The following CNTN3 variants were observed in gnomAD, a reference collection of about 807,000 sequenced individuals.
The protein encoded by CNTN3 is contactin 3, also known as contactin-3.
In CNTN3, 60 loss-of-function variants were observed where a neutral mutation model predicts 119.1. The ratio of observed to expected loss-of-function variants is 0.50; its 90% CI spans 0.41 to 0.62. The LOEUF (loss-of-function observed/expected upper bound fraction) is 0.62. CNTN3 is among the 20% of genes least tolerant of loss of function. The pLI, the probability that CNTN3 is intolerant of heterozygous loss-of-function variation, is 0.00. For missense variants in CNTN3, 1,101 were observed against 1,242.4 expected, an observed-to-expected ratio of 0.89 and a Z score of 1.71; for synonymous variants, 450 against 438.7, an observed-to-expected ratio of 1.03 and a Z score of -0.32.
At chr3:74,516,961 G>T (rs1196006780) in intron 2 of CNTN3, among the ~76,000 whole-genome samples, 1 of 151,860 alleles carries the variant, frequency 6.6e-6, no homozygotes, top group Non-Finnish European at 1.5e-5. Context: ...CCTCAGATAA[G>T]GGGGAAATGA....
chr3:74,266,624 T>C lies in CNTN3; in HGVS notation c.2843A>G (p.Asn948Ser). 1 of 1,613,366 alleles carries C rather than the reference T, an allele frequency of 6.2e-7. No individual in the cohort carries two copies. Among genetic ancestry groups the C allele is most frequent in the Non-Finnish European group, 8.5e-7 (1 of 1,179,464 alleles). ...YKVFYRTSSQ[N>S]NVQVLNTNKT... Reference sequence around the variant, plus strand: ...ATTTGTGTTCAGTACTTGTACGTTATTTTGACTGCTAGTCCTATAGAAAAC... The same window carrying C: ...ATTTGTGTTCAGTACTTGTACGTTACTTTGACTGCTAGTCCTATAGAAAAC... The change falls in exon 22 of 23, where the codon AAT becomes AGT. Residue 948 changes from asparagine to serine, a missense_variant. Asn to Ser is a conservative substitution (Grantham distance 46). Coordinates refer to ENST00000263665, the MANE Select transcript of CNTN3 (RefSeq NM_020872.3).
intron 1 of CNTN3, among the ~76,000 whole-genome samples, chr3:74,603,797 CA>C (rs767456625): frequency 8.6e-5 from 13 of 151,708 alleles, no homozygotes; most frequent in Admixed American, 1.3e-4. Flanking sequence ...AGACATTTTT[CA>C]CAGAAATAGA....
intron 1 of CNTN3, among the ~76,000 whole-genome samples, chr3:74,526,305 G>T (rs1237736777): frequency 6.6e-6 from 1 of 151,682 alleles, no homozygotes; most frequent in Non-Finnish European, 1.5e-5. Context: ...TTTGGGTGTT[G>T]TACTGTGAAT....
intron 1 of CNTN3, among the ~76,000 whole-genome samples, chr3:74,590,566 T>C (rs1704684337): frequency 6.6e-6 from 1 of 151,986 alleles, no homozygotes; most frequent in African/African-American, 2.4e-5. Flanking sequence ...GGGGGCATTT[T>C]AGTTGACTCA....
At position 74,527,572 on chromosome 3, in the gene CNTN3, C is replaced by T. The variant is rs575424095; in HGVS notation, c.-80-6380G>A. 4.6e-5 allele frequency among the ~76,000 whole-genome samples: 7 copies of T among 151,988 alleles called. No homozygotes were observed. The South Asian group carries it at 1.2e-3, about 27-fold the overall frequency. ...TTACAAAGCTGTTTTTCAATTGATT[C>T]CACTAGTTTCAACTAAGTGCAAGCT... On this transcript the variant is annotated intron_variant, in intron 1 of 22. Transcript: ENST00000263665.
At chr3:74,307,959 T>A (rs1251711698) in intron 13 of CNTN3, among the ~76,000 whole-genome samples, 1 of 152,208 alleles carries the variant, frequency 6.6e-6, no homozygotes, top group African/African-American at 2.4e-5. Context: ...GTTATTGCAG[T>A]GCTTCCAATA....
intron 2 of CNTN3, among the ~76,000 whole-genome samples, chr3:74,511,325 T>A (rs760808614): frequency 1.2e-4 from 18 of 152,226 alleles, no homozygotes; most frequent in Non-Finnish European, 1.9e-4. Flanking sequence ...GAAATTCACA[T>A]ATAATTACTT....
intron 1 of CNTN3, among the ~76,000 whole-genome samples, chr3:74,591,403 T>G (rs149095254): frequency 6.6e-6 from 1 of 151,996 alleles, no homozygotes; most frequent in African/African-American, 2.4e-5. Flanking sequence ...TATTTATTTT[T>G]ATTTTTTACA....
At chr3:74,383,467 T>C (rs530662048) in intron 5 of CNTN3, among the ~76,000 whole-genome samples, 3 of 152,234 alleles carry the variant, frequency 2.0e-5, no homozygotes, top group Admixed American at 6.5e-5. Flanking sequence ...TTCAGGGCTA[T>C]GCAGATCTCA....
chr3:74,486,387 A>C, intron 4 of CNTN3, 69 bp downstream of exon 4: 11 of 1,389,366 alleles, frequency 7.9e-6, no homozygotes, highest in Non-Finnish European at 1.1e-5. Context: ...TGAAATCCAA[A>C]ACGACTACAC....
At chr3:74,444,564 T>G (rs1243676106) in intron 4 of CNTN3, among the ~76,000 whole-genome samples, 1 of 152,172 alleles carries the variant, frequency 6.6e-6, no homozygotes, top group Admixed American at 6.5e-5. Flanking sequence ...CATAATTTTT[T>G]TTTAATGTCC....
chr3:74,559,394 C>G lies in CNTN3; in HGVS notation c.-80-38202G>C, dbSNP rs1306036654. 2.6e-5 allele frequency among the ~76,000 whole-genome samples: 4 copies of G among 152,244 alleles called. No individual in the cohort carries two copies. In the East Asian group the frequency reaches 7.7e-4, roughly 29 times the overall value. ...AGGAGAAGCAATGGCCATCCCTGCT[C>G]CTTTGGGGCCTCATTAGTGCCCGCT... On this transcript the variant is annotated intron_variant, in intron 1 of 22. Transcript: ENST00000263665.
At chr3:74,274,005 G>A (rs543755148) in intron 20 of CNTN3, among the ~76,000 whole-genome samples, 30 of 152,068 alleles carry the variant, frequency 2.0e-4, no homozygotes, top group Non-Finnish European at 3.5e-4. Context: ...TTTGGATTGC[G>A]TGGGAGCTGA....
chr3:74,499,899 C>T (rs1041855117), intron 2 of CNTN3, 114 bp from the exon 3 acceptor site: 26 of 993,668 alleles, frequency 2.6e-5, no homozygotes, highest in Non-Finnish European at 3.3e-5. Context: ...GCTCCATTTG[C>T]ATACAAAGCA....
intron 5 of CNTN3, among the ~76,000 whole-genome samples, chr3:74,381,196 A>G (rs543742768): frequency 6.6e-6 from 1 of 152,102 alleles, no homozygotes; most frequent in East Asian, 1.9e-4. Context: ...AAAAACCCTT[A>G]TCTTAAAAGG....
intron 19 of CNTN3, among the ~76,000 whole-genome samples, chr3:74,287,314 T>A (rs1702134270): frequency 6.6e-6 from 1 of 152,180 alleles, no homozygotes; most frequent in African/African-American, 2.4e-5. Flanking sequence ...AGTAATTTGA[T>A]TTTTCCATAA....
chr3:74,424,492 G>GAGAGAGAGAGAGAGAA (rs1465100192), intron 5 of CNTN3, among the ~76,000 whole-genome samples: 1 of 151,570 alleles, frequency 6.6e-6, no homozygotes, highest in Non-Finnish European at 1.5e-5. Context: ...GAGAGAGAGA[G>GAGAGAGAGAGAGAGAA]AGAGAAAGAG....
chr3:74,421,628 A>G (rs1326152333), intron 5 of CNTN3, among the ~76,000 whole-genome samples: 1 of 152,246 alleles, frequency 6.6e-6, no homozygotes, highest in African/African-American at 2.4e-5. Flanking sequence ...CCAAGAAGAA[A>G]TGAAGAAATG....
intron 3 of CNTN3, among the ~76,000 whole-genome samples, chr3:74,493,083 T>C (rs1702997844): frequency 6.6e-6 from 1 of 152,186 alleles, no homozygotes; most frequent in South Asian, 2.1e-4. Flanking sequence ...AGGGAATTAA[T>C]ACATCATTAT....
Sources: gnomAD v4.1 joint callset for allele counts (sites outside exome capture counted in the v4.1 genomes callset) on GRCh38, gnomAD v4.1.1 for gene constraint, MANE v1.5 for transcripts, NCBI Gene and HGNC (gene_info 2026-07-23, HGNC 2026-07-21) for gene names.